Variants in ZNRF2 observed in about 807,000 individuals in gnomAD.
ZNRF2 encodes E3 ubiquitin-protein ligase ZNRF2.
Under a neutral mutation model 20.4 loss-of-function variants are expected in ZNRF2, and 16 were observed. The ratio of observed to expected loss-of-function variants is 0.79; its 90% CI spans 0.53 to 1.19. The LOEUF is 1.19. ZNRF2 is among the 50% of genes most tolerant of loss of function. ZNRF2 has a pLI of 0.00. For synonymous variants in ZNRF2, 178 were observed against 144.9 expected (o/e 1.23, Z -1.64); for missense variants, 363 against 332.4 (o/e 1.09, Z -0.72).
intron 1 of ZNRF2, among the ~76,000 whole-genome samples, chr7:30,294,536 A>G (rs971851492): frequency 1.3e-4 from 20 of 152,208 alleles, no homozygotes; most frequent in African/African-American, 4.8e-4. Context: ...TAATCCTAGC[A>G]CTTTGGGAGG....
At chr7:30,356,968 G>C (rs1033420504) in intron 3 of ZNRF2, among the ~76,000 whole-genome samples, 2 of 152,098 alleles carry the variant, frequency 1.3e-5, no homozygotes, top group Non-Finnish European at 2.9e-5. Flanking sequence ...GCCTCCCAAA[G>C]TGCTGGGAAT....
intron 2 of ZNRF2, among the ~76,000 whole-genome samples, chr7:30,340,750 C>A (rs887521703): frequency 4.6e-5 from 7 of 152,020 alleles, no homozygotes; most frequent in African/African-American, 1.7e-4. Flanking sequence ...ATGATGCTGG[C>A]CTCATAAATT....
At chr7:30,339,292 T>C (rs1799760662) in intron 2 of ZNRF2, among the ~76,000 whole-genome samples, 1 of 152,236 alleles carries the variant, frequency 6.6e-6, no homozygotes, top group South Asian at 2.1e-4. Context: ...TTTGTCAATT[T>C]TGGCTTTTGT....
intron 2 of ZNRF2, among the ~76,000 whole-genome samples, chr7:30,343,911 C>CT (rs34643391): frequency 0.12 from 10,039 of 81,404 alleles, 1,247 homozygotes; most frequent in Non-Finnish European, 0.18. Flanking sequence ...GGGTGGCCAG[C>CT]TTTTTTTTTT....
chr7:30,292,260 TTTC>T (rs1307105364), intron 1 of ZNRF2, among the ~76,000 whole-genome samples: 1 of 152,234 alleles, frequency 6.6e-6, no homozygotes, highest in Non-Finnish European at 1.5e-5. Flanking sequence ...TCCCATATGA[TTTC>T]TTCTTGATCC....
At chr7:30,288,549 G>A (rs370249981) in intron 1 of ZNRF2, among the ~76,000 whole-genome samples, 1 of 152,192 alleles carries the variant, frequency 6.6e-6, no homozygotes, top group Non-Finnish European at 1.5e-5. Context: ...GAAGTTTTCT[G>A]TGTTGGTTTT....
At chr7:30,355,652 A>G in intron 2 of ZNRF2, 76 bp from the exon 3 acceptor site, 1 of 1,184,652 alleles carries the variant, frequency 8.4e-7, no homozygotes, top group East Asian at 2.5e-5. Context: ...ACTTTTTATC[A>G]GTTAGCATTC....
chr7:30,297,968 G>T (rs934272055), intron 1 of ZNRF2, among the ~76,000 whole-genome samples: 23 of 152,168 alleles, frequency 1.5e-4, no homozygotes, highest in Admixed American at 1.4e-3. Flanking sequence ...GGGCTCAAGT[G>T]ATCCTCCTGC....
intron 1 of ZNRF2, among the ~76,000 whole-genome samples, chr7:30,290,353 C>T (rs1465289531): frequency 6.6e-6 from 1 of 152,200 alleles, no homozygotes; most frequent in African/African-American, 2.4e-5. Context: ...CTTGCAATTT[C>T]TGTGGGTCAA....
chr7:30,344,494 GT>G (rs576672197), intron 2 of ZNRF2, among the ~76,000 whole-genome samples: 3 of 151,176 alleles, frequency 2.0e-5, no homozygotes, highest in East Asian at 1.9e-4. Context: ...ATACTATTAA[GT>G]TTTTTTTGTA....
intron 1 of ZNRF2, among the ~76,000 whole-genome samples, chr7:30,289,234 A>G (rs1798851866): frequency 6.6e-6 from 1 of 152,210 alleles, no homozygotes; most frequent in Non-Finnish European, 1.5e-5. Context: ...CTACTTGTGA[A>G]ACATGTTTTC....
intron 3 of ZNRF2, among the ~76,000 whole-genome samples, chr7:30,359,070 C>A (rs1457338644): frequency 2.0e-5 from 3 of 152,044 alleles, no homozygotes; most frequent in Non-Finnish European, 2.9e-5. Flanking sequence ...GTGCTGGGAT[C>A]AATTGGTTAT....
intron 2 of ZNRF2, among the ~76,000 whole-genome samples, chr7:30,336,947 A>G (rs572258796): frequency 6.6e-6 from 1 of 152,172 alleles, no homozygotes; most frequent in Non-Finnish European, 1.5e-5. Flanking sequence ...TGTAATTCCC[A>G]TAAATTGAAT....
chr7:30,298,252 A>G (rs939675997), intron 1 of ZNRF2, among the ~76,000 whole-genome samples: 5 of 152,058 alleles, frequency 3.3e-5, no homozygotes, highest in Admixed American at 3.3e-4. Flanking sequence ...GTGTATGTAT[A>G]TATATGTATG....
At position 30,304,518 on chromosome 7, in the gene ZNRF2, G is replaced by A. The variant is rs184473435; in HGVS notation, c.469+18692G>A. On this transcript the variant is annotated intron_variant, in intron 1 of 4. Coordinates refer to ENST00000323037, the MANE Select transcript of ZNRF2 (RefSeq NM_147128.4). The stretch of plus-strand genomic sequence containing the variant: ...TTGGTCTTTTAGGAAACTTAAAAAT[G>A]CTTGTGAGGCAAAAACCATTGTGAT... Among the ~76,000 whole-genome samples the A allele has an allele frequency of 2.9e-4, 44 of 152,302 alleles. 1 individual carries two copies. In the East Asian group the frequency reaches 7.3e-3, roughly 25 times the overall value.
At position 30,289,207 on chromosome 7, in the gene ZNRF2, G is replaced by C. The variant is rs142086413; in HGVS notation, c.469+3381G>C. Among the ~76,000 whole-genome samples the C allele has an allele frequency of 6.6e-3, 1,011 of 152,326 alleles. 16 individuals carry two copies. Among genetic ancestry groups the C allele is most frequent in the African/African-American group, 0.023 (972 of 41,574 alleles). ...TCATGAGTATTTCAGTAGTCTGATTGTAACTCAGGTGCCTTGCTACTTGTG... is the reference window on the plus strand; with the variant it reads ...TCATGAGTATTTCAGTAGTCTGATTCTAACTCAGGTGCCTTGCTACTTGTG... On this transcript the variant is annotated intron_variant, in intron 1 of 4. Transcript: ENST00000323037.
At chr7:30,319,030 T>G (rs1799421108) in intron 1 of ZNRF2, among the ~76,000 whole-genome samples, 1 of 151,906 alleles carries the variant, frequency 6.6e-6, no homozygotes, top group Middle Eastern at 3.4e-3. Context: ...GAGAATCACT[T>G]GAACCCAGGG....
intron 1 of ZNRF2, among the ~76,000 whole-genome samples, chr7:30,298,275 TC>T (rs1206463377): frequency 2.0e-5 from 3 of 152,240 alleles, no homozygotes; most frequent in Admixed American, 6.5e-5. Flanking sequence ...TATGCTTTGT[TC>T]CCTTTCCTGA....
At chr7:30,309,125 TAAAAAG>T (rs1799252846) in intron 1 of ZNRF2, among the ~76,000 whole-genome samples, 1 of 152,152 alleles carries the variant, frequency 6.6e-6, no homozygotes, top group Non-Finnish European at 1.5e-5. Flanking sequence ...CTTTTTACTT[TAAAAAG>T]TTAGAATAGG....
Sources: gnomAD v4.1 joint callset for allele counts (sites outside exome capture counted in the v4.1 genomes callset) on GRCh38, gnomAD v4.1.1 for gene constraint, MANE v1.5 for transcripts, NCBI Gene and HGNC (gene_info 2026-07-23, HGNC 2026-07-21) for gene names.